HECW2: variants seen among roughly 807,000 people sequenced by gnomAD.
The protein encoded by HECW2 is E3 ubiquitin-protein ligase HECW2.
A neutral mutation model predicts 175.2 loss-of-function variants in HECW2; 61 were observed. The observed-to-expected ratio is 0.35, with a 90% CI of 0.28 to 0.43. HECW2 has a LOEUF of 0.43. Ranked by LOEUF, HECW2 falls within the 20% of genes least tolerant of loss-of-function variation. The pLI, the probability that HECW2 is intolerant of heterozygous loss-of-function variation, is 1.00. For synonymous variants in HECW2, 671 were observed against 731.0 expected (o/e 0.92, Z 1.32); for missense variants, 1,524 against 2,000.5 (o/e 0.76, Z 4.54).
chr2:196,544,468 C>T (rs1374989725), intron 1 of HECW2, among the ~76,000 whole-genome samples: 2 of 152,198 alleles, frequency 1.3e-5, no homozygotes, highest in Non-Finnish European at 2.9e-5. Flanking sequence ...ACACCTGTGA[C>T]TCCCCAACTC....
chr2:196,465,791 G>A (rs183272569), intron 1 of HECW2, among the ~76,000 whole-genome samples: 108 of 151,838 alleles, frequency 7.1e-4, no homozygotes, highest in Admixed American at 1.8e-3. Flanking sequence ...AAATGAAAAT[G>A]AAGCCCCACC....
intron 1 of HECW2, among the ~76,000 whole-genome samples, chr2:196,476,273 A>G (rs1213202907): frequency 6.6e-6 from 1 of 152,038 alleles, no homozygotes; most frequent in Non-Finnish European, 1.5e-5. Flanking sequence ...GCAAAACCCC[A>G]TCTCTACTGA....
In HECW2 at chr2:196,314,364, C is replaced by G. The variant is rs1175870888; in HGVS notation, c.2434+2910G>C. Among the ~76,000 whole-genome samples, 4 of 152,204 alleles carry G rather than the reference C, an allele frequency of 2.6e-5. No individual in the cohort carries two copies. In the South Asian group the frequency reaches 6.2e-4, roughly 24 times the overall value. ...CTCTGATGTGAGGCATTGGTGGTGCCCAATAAATAACATATCACCGTGTAA... is the reference window on the plus strand; with the variant it reads ...CTCTGATGTGAGGCATTGGTGGTGCGCAATAAATAACATATCACCGTGTAA... On this transcript the variant is annotated intron_variant, in intron 10 of 28. Transcript: ENST00000644978.
chr2:196,567,012 G>T (rs2125507913), intron 1 of HECW2, among the ~76,000 whole-genome samples: 1 of 152,172 alleles, frequency 6.6e-6, no homozygotes, highest in African/African-American at 2.4e-5. Flanking sequence ...ACCATCCATG[G>T]AGAGAAAACA....
Position 196,541,186 on chromosome 2 carries a change from T to C in HECW2, c.-36+52322A>G, listed in dbSNP as rs185228468. ...TGCACCTCTGTACCTATCAGCTGGGTTGGCTGCCCCCAAAAGCCAACTGTA... is the reference window on the plus strand; with the variant it reads ...TGCACCTCTGTACCTATCAGCTGGGCTGGCTGCCCCCAAAAGCCAACTGTA... On this transcript the variant is annotated intron_variant, in intron 1 of 28. Transcript: ENST00000644978. Among the ~76,000 whole-genome samples, 10 of 152,212 alleles carry C rather than the reference T, an allele frequency of 6.6e-5. No homozygotes were observed. In the East Asian group the frequency reaches 1.9e-3, roughly 29 times the overall value.
intron 1 of HECW2, among the ~76,000 whole-genome samples, chr2:196,492,801 C>T (rs980525365): frequency 3.3e-5 from 5 of 152,132 alleles, no homozygotes; most frequent in Admixed American, 2.0e-4. Context: ...GCAAGACATA[C>T]CTTTGAAGTA....
chr2:196,433,527 C>T (rs143861246), intron 1 of HECW2, 69 bp from the exon 2 acceptor site: 6 of 1,189,528 alleles, frequency 5.0e-6, no homozygotes, highest in Middle Eastern at 2.9e-4. Context: ...GCTTTCCAGA[C>T]ATAAAGCCTT....
intron 1 of HECW2, among the ~76,000 whole-genome samples, chr2:196,557,019 C>T (rs1330810418): frequency 6.6e-6 from 1 of 152,104 alleles, no homozygotes; most frequent in African/African-American, 2.4e-5. Flanking sequence ...AGTTTCTGAA[C>T]ATAAAAAGTT....
intron 1 of HECW2, among the ~76,000 whole-genome samples, chr2:196,557,562 C>T (rs1689846155): frequency 1.3e-5 from 2 of 151,762 alleles, no homozygotes; most frequent in Admixed American, 6.6e-5. Flanking sequence ...CCAACTCAGC[C>T]CAAGGGGAAA....
intron 2 of HECW2, among the ~76,000 whole-genome samples, chr2:196,372,085 A>T (rs1196984675): frequency 6.6e-6 from 1 of 152,138 alleles, no homozygotes; most frequent in Non-Finnish European, 1.5e-5. Flanking sequence ...TCTGTACCCT[A>T]TCTGTGCATT....
At chr2:196,591,493 G>A (rs1432821882) in intron 1 of HECW2, among the ~76,000 whole-genome samples, 1 of 152,170 alleles carries the variant, frequency 6.6e-6, no homozygotes, top group African/African-American at 2.4e-5. Flanking sequence ...AAGCCAAAAT[G>A]TGCCAATGAA....
At chr2:196,249,688 T>A (rs573272071) in intron 19 of HECW2, among the ~76,000 whole-genome samples, 1 of 152,306 alleles carries the variant, frequency 6.6e-6, no homozygotes, top group South Asian at 2.1e-4. Flanking sequence ...GAACAGAAGA[T>A]TCCTCCAGAG....
At chr2:196,324,554 A>C (rs532022997) in intron 6 of HECW2, among the ~76,000 whole-genome samples, 149 of 152,366 alleles carry the variant, frequency 9.8e-4, no homozygotes, top group African/African-American at 3.4e-3. Flanking sequence ...TGTATGCTAC[A>C]ACAAAATATC....
intron 18 of HECW2, among the ~76,000 whole-genome samples, chr2:196,256,580 A>C (rs1689065477): frequency 6.6e-6 from 1 of 152,250 alleles, no homozygotes; most frequent in African/African-American, 2.4e-5. Context: ...CCCAAAGCAG[A>C]ATTCTTAGTT....
chr2:196,334,579 C>A, intron 3 of HECW2, 61 bp from the exon 4 acceptor site: 2 of 1,346,196 alleles, frequency 1.5e-6, no homozygotes, highest in Non-Finnish European at 2.1e-6. Context: ...GAGGAATCAG[C>A]TGTGGAAATC....
intron 1 of HECW2, 78 bp from the exon 2 acceptor site, chr2:196,433,536 T>A: frequency 9.5e-7 from 1 of 1,048,466 alleles, no homozygotes; most frequent in Non-Finnish European, 1.4e-6. Flanking sequence ...ACATAAAGCC[T>A]TAAAGGGTGT....
chr2:196,246,440 C>A (rs1159452467), intron 19 of HECW2, among the ~76,000 whole-genome samples: 22 of 152,074 alleles, frequency 1.4e-4, no homozygotes, highest in Non-Finnish European at 3.2e-4. Context: ...GGCTGGAGTG[C>A]AGTGGCACGA....
chr2:196,259,496 T>C (rs1028606345), intron 17 of HECW2, among the ~76,000 whole-genome samples: 3 of 152,204 alleles, frequency 2.0e-5, no homozygotes, highest in East Asian at 3.8e-4. Context: ...ATATGATAGA[T>C]GAAGCAGCTA....
At chr2:196,336,564 C>G (rs1319124440) in intron 3 of HECW2, among the ~76,000 whole-genome samples, 1 of 152,088 alleles carries the variant, frequency 6.6e-6, no homozygotes, top group Non-Finnish European at 1.5e-5. Context: ...ATATCTTCCC[C>G]TAACTCTGTC....
Sources: gnomAD v4.1 joint callset for allele counts (sites outside exome capture counted in the v4.1 genomes callset) on GRCh38, gnomAD v4.1.1 for gene constraint, MANE v1.5 for transcripts, NCBI Gene and HGNC (gene_info 2026-07-23, HGNC 2026-07-21) for gene names.